Variants in FGF12 observed in about 807,000 individuals in gnomAD.
The protein encoded by FGF12 is fibroblast growth factor 12B.
A neutral mutation model predicts 23.6 loss-of-function variants in FGF12; 14 were observed. The observed-to-expected ratio is 0.59, with a 90% CI of 0.39 to 0.93. The LOEUF (loss-of-function observed/expected upper bound fraction) is 0.93, where lower values mean the gene tolerates loss of function less well. Among genes scored for constraint, FGF12 ranks in the 40% least tolerant of loss-of-function variants. The probability of loss-of-function intolerance (pLI) is 0.00; values close to 1 mark genes in which losing one functional copy is unlikely to be tolerated. For missense variants in FGF12, 175 were observed against 217.8 expected (o/e 0.80, Z 1.24); for synonymous variants, 62 against 77.3 (o/e 0.80, Z 1.04).
chr3:192,314,569 C>A (rs1282329842), intron 4 of FGF12, among the ~76,000 whole-genome samples: 1 of 152,094 alleles, frequency 6.6e-6, no homozygotes, highest in African/African-American at 2.4e-5. Flanking sequence ...ATAATGGGCC[C>A]GTTGAGTCAA....
At chr3:192,576,788 A>G (rs1712912537) in intron 2 of FGF12, among the ~76,000 whole-genome samples, 1 of 152,214 alleles carries the variant, frequency 6.6e-6, no homozygotes, top group Admixed American at 6.5e-5. Context: ...TCACAATAGC[A>G]AAGACTTGGA....
chr3:192,548,512 G>C (rs1725552669), intron 2 of FGF12, among the ~76,000 whole-genome samples: 1 of 152,116 alleles, frequency 6.6e-6, no homozygotes, highest in Admixed American at 6.5e-5. Flanking sequence ...CCCTTTTCCA[G>C]AGGATTTTGC....
chr3:192,319,037 T>G (rs975238988), intron 4 of FGF12, among the ~76,000 whole-genome samples: 1 of 151,852 alleles, frequency 6.6e-6, no homozygotes, highest in African/African-American at 2.4e-5. Flanking sequence ...ATTTCCTACA[T>G]AAAGGAAGGA....
At chr3:192,703,375 G>A (rs986123043) in intron 2 of FGF12, among the ~76,000 whole-genome samples, 4 of 152,164 alleles carry the variant, frequency 2.6e-5, no homozygotes, top group African/African-American at 9.7e-5. Flanking sequence ...CTAAAAAATT[G>A]CTAACAATCA....
intron 4 of FGF12, among the ~76,000 whole-genome samples, chr3:192,306,613 G>A (rs538348176): frequency 7.2e-5 from 11 of 152,294 alleles, no homozygotes; most frequent in Non-Finnish European, 1.5e-5. Context: ...GCAAATGAAT[G>A]AATTCTAGTT....
At chr3:192,161,912 T>C (rs917438426) in intron 5 of FGF12, among the ~76,000 whole-genome samples, 8 of 152,134 alleles carry the variant, frequency 5.3e-5, no homozygotes, top group African/African-American at 1.9e-4. Flanking sequence ...GAACAACCTG[T>C]GTGTGGGAAC....
intron 4 of FGF12, among the ~76,000 whole-genome samples, chr3:192,277,793 C>G (rs909355273): frequency 6.6e-6 from 1 of 152,158 alleles, no homozygotes; most frequent in Non-Finnish European, 1.5e-5. Context: ...GACAGAGTCT[C>G]GCTCTGTCGC....
intron 2 of FGF12, among the ~76,000 whole-genome samples, chr3:192,623,222 G>T (rs62293024): frequency 6.6e-6 from 1 of 152,060 alleles, no homozygotes; most frequent in South Asian, 2.1e-4. Flanking sequence ...AGTGAAGTCA[G>T]TACCAAATGG....
chr3:192,460,629 AAAC>A (rs1722832011), intron 2 of FGF12, among the ~76,000 whole-genome samples: 1 of 151,586 alleles, frequency 6.6e-6, no homozygotes, highest in Admixed American at 6.6e-5. Context: ...AAACAAAAAC[AAAC>A]AACAACAGCA....
chr3:192,630,805 G>A (rs1212052855), intron 2 of FGF12, among the ~76,000 whole-genome samples: 12 of 151,356 alleles, frequency 7.9e-5, no homozygotes, highest in South Asian at 2.1e-4. Flanking sequence ...AGATCTGCCC[G>A]CCTCGACCTC....
intron 2 of FGF12, among the ~76,000 whole-genome samples, chr3:192,679,830 G>A (rs1717456705): frequency 6.6e-6 from 1 of 152,140 alleles, no homozygotes; most frequent in Non-Finnish European, 1.5e-5. Flanking sequence ...CAGCTAACCA[G>A]GCCATGGGGC....
At chr3:192,423,001 T>C (rs1214249228) in intron 2 of FGF12, among the ~76,000 whole-genome samples, 1 of 152,184 alleles carries the variant, frequency 6.6e-6, no homozygotes, top group Non-Finnish European at 1.5e-5. Flanking sequence ...AGCCCATGCT[T>C]TCCCCTTCCA....
chr3:192,618,723 A>G (rs1309843789), intron 2 of FGF12, among the ~76,000 whole-genome samples: 1 of 152,096 alleles, frequency 6.6e-6, no homozygotes, highest in East Asian at 1.9e-4. Flanking sequence ...TTCAATTACA[A>G]ATGTGGCTTC....
In FGF12 at chr3:192,345,579, C is replaced by T. The variant is rs1376817105; in HGVS notation, c.125-10115G>A. On this transcript the variant is annotated intron_variant, in intron 3 of 5. Transcript: ENST00000445105. ...GCGGGCGCCTGTAGTCCCAGCTACT[C>T]GGGAGGCTGAGGCAGGGGAATGGCG... 6.6e-5 allele frequency among the ~76,000 whole-genome samples: 6 copies of T among 90,256 alleles called. 3 individuals carry two copies. The highest frequency in any genetic ancestry group is 5.1e-4 in the Admixed American group (4 of 7,842). 59.2% of individuals were successfully genotyped at this position (90,256 alleles called of 152,430 possible).
At chr3:192,300,071 T>C (rs112463143) in intron 4 of FGF12, among the ~76,000 whole-genome samples, 222 of 152,262 alleles carry the variant, frequency 1.5e-3, no homozygotes, top group African/African-American at 4.9e-3. Context: ...CAAAAGCCAA[T>C]AGAAACTCTG....
At chr3:192,420,553 T>G (rs1157762555) in intron 2 of FGF12, among the ~76,000 whole-genome samples, 1 of 152,168 alleles carries the variant, frequency 6.6e-6, no homozygotes, top group African/African-American at 2.4e-5. Context: ...ACTCTGTTAG[T>G]TCATGTGAGA....
chr3:192,249,838 G>C (rs1039110130), intron 4 of FGF12, among the ~76,000 whole-genome samples: 8 of 152,108 alleles, frequency 5.3e-5, no homozygotes, highest in Non-Finnish European at 7.4e-5. Flanking sequence ...CATTCTATCA[G>C]TTTTTATGTG....
chr3:192,165,667 TATC>T lies in FGF12; in HGVS notation c.427+4788_427+4790del, dbSNP rs139221312. The stretch of plus-strand genomic sequence containing the variant: ...TTGTTTACCAATGTGTTTCTCATCA[TATC>T]ATGTATTCCTGTCTCAATTTTGCAT... On this transcript the variant is annotated intron_variant, in intron 5 of 5. Coordinates refer to ENST00000445105, the MANE Select transcript of FGF12 (RefSeq NM_004113.6). Among the ~76,000 whole-genome samples the T allele has an allele frequency of 5.6e-3, 846 of 152,326 alleles. 5 individuals carry two copies. The highest frequency in any genetic ancestry group is 0.019 in the African/African-American group (804 of 41,570).
rs188597933 is a variant in FGF12, at chr3:192,378,489, G to C, written c.14-17951C>G. Among the ~76,000 whole-genome samples, 8 of 152,116 alleles carry C rather than the reference G, an allele frequency of 5.3e-5. No homozygotes were observed. In the East Asian group the frequency reaches 1.5e-3, roughly 29 times the overall value. ...ACTTTTGTAACTGGAAATTTAAATA[G>C]GTAAACCTTAGATTATTCATAAACA... On this transcript the variant is annotated intron_variant, in intron 2 of 5. Transcript: ENST00000445105.
Sources: gnomAD v4.1 joint callset for allele counts (sites outside exome capture counted in the v4.1 genomes callset) on GRCh38, gnomAD v4.1.1 for gene constraint, MANE v1.5 for transcripts, NCBI Gene and HGNC (gene_info 2026-07-23, HGNC 2026-07-21) for gene names.